EPM2A: variants seen among roughly 807,000 people sequenced by gnomAD.
EPM2A encodes the protein laforin.
In EPM2A, 21 loss-of-function variants were observed where a neutral mutation model predicts 26.5. The observed-to-expected ratio is 0.79, with a 90% confidence interval of 0.56 to 1.14. The LOEUF (loss-of-function observed/expected upper bound fraction) is 1.14. EPM2A is among the 50% of genes most tolerant of loss of function. EPM2A has a pLI of 0.00. For synonymous variants in EPM2A, 217 were observed against 177.6 expected, an observed-to-expected ratio of 1.22 and a Z score of -1.76; for missense variants, 458 against 440.8, an observed-to-expected ratio of 1.04 and a Z score of -0.35.
chr6:145,431,460 A>C (rs1373370258), intron 4 of EPM2A, among the ~76,000 whole-genome samples: 2 of 152,260 alleles, frequency 1.3e-5, no homozygotes, highest in Non-Finnish European at 2.9e-5. Context: ...CAAATATTGC[A>C]ATAAAGTGAG....
intron 1 of EPM2A, among the ~76,000 whole-genome samples, chr6:145,694,536 G>C (rs1781465380): frequency 6.6e-6 from 1 of 151,964 alleles, no homozygotes; most frequent in African/African-American, 2.4e-5. Flanking sequence ...AACTGTCCTT[G>C]CTAATGAAAT....
At chr6:145,477,519 C>T (rs1180402971) in intron 4 of EPM2A, among the ~76,000 whole-genome samples, 2 of 151,686 alleles carry the variant, frequency 1.3e-5, no homozygotes, top group Admixed American at 6.6e-5. Flanking sequence ...GATATTGATG[C>T]AAAAGTCCTC....
At chr6:145,627,987 A>C in intron 3 of EPM2A, 1 of 416,958 alleles carries the variant, frequency 2.4e-6, no homozygotes, top group South Asian at 3.8e-5. Context: ...AAGAAAAGTG[A>C]CCTATCGCCT....
In EPM2A at chr6:145,395,232, GT is replaced by G. The variant is rs148993197; in HGVS notation, c.556-11136del. On this transcript the variant is annotated intron_variant, in intron 4 of 4. Transcript: ENST00000638717. ...ACAACCTCTATATGCTTTACTTAAA[GT>G]TTTCTCCTCTGACCCCCTATTTGAA... Among the ~76,000 whole-genome samples the G allele has an allele frequency of 1.1e-4, 17 of 152,216 alleles. No individual in the cohort carries two copies. The East Asian group carries it at 3.3e-3, about 29-fold the overall frequency.
At chr6:145,403,255 TTTAAG>T (rs148870418) in intron 4 of EPM2A, among the ~76,000 whole-genome samples, 8,105 of 152,144 alleles carry the variant, frequency 0.053, 227 homozygotes, top group Non-Finnish European at 0.064. Flanking sequence ...CCAATTACTC[TTTAAG>T]TTATTTTTAA....
intron 4 of EPM2A, among the ~76,000 whole-genome samples, chr6:145,459,503 C>A (rs1004053570): frequency 6.6e-6 from 1 of 152,082 alleles, no homozygotes; most frequent in Non-Finnish European, 1.5e-5. Context: ...AACTCAATAT[C>A]AAAATGTCTT....
At chr6:145,388,164 T>G (rs1778288247) in intron 4 of EPM2A, among the ~76,000 whole-genome samples, 1 of 152,200 alleles carries the variant, frequency 6.6e-6, no homozygotes, top group South Asian at 2.1e-4. Flanking sequence ...GGTGAATGCT[T>G]ACAGATTTGA....
At chr6:145,438,770 C>A (rs1779022954) in intron 4 of EPM2A, among the ~76,000 whole-genome samples, 1 of 152,114 alleles carries the variant, frequency 6.6e-6, no homozygotes, top group Non-Finnish European at 1.5e-5. Context: ...TTGCACTCGG[C>A]CAAGGATAAT....
chr6:145,408,107 C>A (rs987435179), intron 4 of EPM2A, among the ~76,000 whole-genome samples: 6 of 152,110 alleles, frequency 3.9e-5, no homozygotes, highest in Non-Finnish European at 7.4e-5. Context: ...CTGTTATGAG[C>A]CTCAGTGTCT....
chr6:145,690,078 C>T (rs751302485), intron 1 of EPM2A, among the ~76,000 whole-genome samples: 1 of 152,134 alleles, frequency 6.6e-6, no homozygotes, highest in Admixed American at 6.5e-5. Flanking sequence ...GTTAGAACTA[C>T]CACCCCACTC....
At chr6:145,548,028 C>A (rs1474785135) in intron 2 of EPM2A, among the ~76,000 whole-genome samples, 1 of 152,008 alleles carries the variant, frequency 6.6e-6, no homozygotes, top group Admixed American at 6.6e-5. Context: ...TCAATTGTGT[C>A]CCCTCAGGCC....
At chr6:145,657,363 A>G (rs1266072377) in intron 2 of EPM2A, among the ~76,000 whole-genome samples, 2 of 152,172 alleles carry the variant, frequency 1.3e-5, no homozygotes, top group Non-Finnish European at 2.9e-5. Flanking sequence ...TGCTGGGATT[A>G]CAGGCACGAG....
chr6:145,422,059 A>G (rs903417726), intron 4 of EPM2A, among the ~76,000 whole-genome samples: 52 of 113,112 alleles, frequency 4.6e-4, no homozygotes, highest in African/African-American at 1.6e-3. Flanking sequence ...ATATGAGTGT[A>G]TATATATATA....
chr6:145,502,042 G>A (rs1779897459), intron 3 of EPM2A, among the ~76,000 whole-genome samples: 1 of 152,202 alleles, frequency 6.6e-6, no homozygotes, highest in Non-Finnish European at 1.5e-5. Context: ...ACAAAAGAGT[G>A]AAAAGGAGCT....
intron 4 of EPM2A, among the ~76,000 whole-genome samples, chr6:145,434,010 ATTT>A (rs976952933): frequency 2.0e-5 from 3 of 151,418 alleles, no homozygotes; most frequent in African/African-American, 7.3e-5. Context: ...GCAAAATATT[ATTT>A]TTCTTTTTTT....
chr6:145,729,475 G>A (rs755051867), intron 1 of EPM2A, among the ~76,000 whole-genome samples: 1 of 152,244 alleles, frequency 6.6e-6, no homozygotes, highest in Non-Finnish European at 1.5e-5. Context: ...AATGTTACCT[G>A]GGTGTGAGAC....
chr6:145,526,931 CT>C (rs1780282216), intron 2 of EPM2A, among the ~76,000 whole-genome samples: 1 of 151,540 alleles, frequency 6.6e-6, no homozygotes, highest in Non-Finnish European at 1.5e-5. Flanking sequence ...GTGCTGTCAA[CT>C]TTTTTTCTTA....
chr6:145,440,188 T>C (rs1310049519), intron 4 of EPM2A, among the ~76,000 whole-genome samples: 1 of 152,032 alleles, frequency 6.6e-6, no homozygotes, highest in Non-Finnish European at 1.5e-5. Flanking sequence ...TGGCAGAAGG[T>C]GTAAGGCACA....
At chr6:145,463,761 A>T (rs1779354219) in intron 4 of EPM2A, among the ~76,000 whole-genome samples, 1 of 152,158 alleles carries the variant, frequency 6.6e-6, no homozygotes, top group African/African-American at 2.4e-5. Flanking sequence ...TCTAGAAAAG[A>T]CATCTAGAGG....
Sources: allele counts gnomAD v4.1 joint callset (sites outside exome capture counted in the v4.1 genomes callset), GRCh38; gene constraint gnomAD v4.1.1; transcripts MANE v1.5; gene names NCBI Gene and HGNC (gene_info 2026-07-23, HGNC 2026-07-21).